OR4N2: variants seen among roughly 807,000 people sequenced by gnomAD.
OR4N2 encodes the protein olfactory receptor 4N2.
For missense variants in OR4N2, 307 were observed against 377.6 expected, an observed-to-expected ratio of 0.81 and a Z score of 1.55; for synonymous variants, 141 against 140.4, an observed-to-expected ratio of 1.00 and a Z score of -0.03.
chr14:19,820,284 T>C (rs1879532131), intron 1 of OR4N2, among the ~76,000 whole-genome samples: 1 of 152,272 alleles, frequency 6.6e-6, no homozygotes. Context: ...CTCTATCTCC[T>C]TCAGTTCTGC....
intron 1 of OR4N2, among the ~76,000 whole-genome samples, chr14:19,825,712 C>G (rs560224083): frequency 6.6e-6 from 1 of 152,226 alleles, no homozygotes; most frequent in Non-Finnish European, 1.5e-5. Context: ...ACCACCACCA[C>G]GTCCAGCTAA....
chr14:19,807,340 A>G (rs1879189922), intron 1 of OR4N2, among the ~76,000 whole-genome samples: 1 of 152,052 alleles, frequency 6.6e-6, no homozygotes, highest in African/African-American at 2.4e-5. Context: ...ATTGCTAGCT[A>G]GATTAACATA....
chr14:19,812,437 C>T (rs1433302448), intron 1 of OR4N2, among the ~76,000 whole-genome samples: 1 of 150,956 alleles, frequency 6.6e-6, no homozygotes. Context: ...TCACGCCATT[C>T]TCCTGCCTCA....
At chr14:19,822,032 A>C (rs546275384) in intron 1 of OR4N2, 6 of 152,282 alleles carry the variant, frequency 3.9e-5, no homozygotes, top group Non-Finnish European at 8.8e-5. Flanking sequence ...AGAAAGGGAC[A>C]ATAGAAAAAA....
intron 1 of OR4N2, among the ~76,000 whole-genome samples, chr14:19,817,086 G>A (rs1484787617): frequency 1.3e-5 from 2 of 152,132 alleles, no homozygotes; most frequent in African/African-American, 2.4e-5. Context: ...TGCTGGATTC[G>A]GTTTGCCAGT....
intron 1 of OR4N2, among the ~76,000 whole-genome samples, chr14:19,806,472 C>T (rs1879168164): frequency 6.6e-6 from 1 of 152,046 alleles, no homozygotes; most frequent in African/African-American, 2.4e-5. Context: ...TTACCAAGGA[C>T]AAAGAAAGGC....
intron 1 of OR4N2, among the ~76,000 whole-genome samples, chr14:19,826,468 A>G (rs1276377811): frequency 1.3e-5 from 2 of 152,268 alleles, no homozygotes; most frequent in Non-Finnish European, 1.5e-5. Context: ...CAAAAAATAA[A>G]ACTCACTCTA....
chr14:19,829,488 A>G lies in OR4N2; in HGVS notation c.*1116A>G, dbSNP rs1164871082. ...TAGGCTGGACGTCCAGAGATGCCTT[A>G]CAGACTAACACAGGTGACCAATGTT... On this transcript the variant is annotated 3_prime_UTR_variant, in exon 2 of 2. Coordinates refer to ENST00000557677, the MANE Select transcript of OR4N2 (RefSeq NM_001004723.3). 6.6e-6 allele frequency: 1 copy of G among 152,292 alleles called. No individual in the cohort carries two copies. Among genetic ancestry groups the G allele is most frequent in the Non-Finnish European group, 1.5e-5 (1 of 68,056 alleles). 9.4% of individuals were successfully genotyped at this position (152,292 alleles called of 1,614,324 possible).
At chr14:19,814,227 A>T (rs1428178874) in intron 1 of OR4N2, among the ~76,000 whole-genome samples, 2 of 152,222 alleles carry the variant, frequency 1.3e-5, no homozygotes, top group African/African-American at 4.8e-5. Context: ...TTTAATGGAA[A>T]AATGTTTTTC....
In OR4N2 at chr14:19,812,329, C is replaced by CTTTT. The variant is rs3078143; in HGVS notation, c.-10+8497_-10+8500dup. The stretch of plus-strand genomic sequence containing the variant: ...TTTTTTTTTTCTTTTCTTTTCTTTT[C>CTTTT]TTTTTTTTTTTTTTTGAGACAGAGT... On this transcript the variant is annotated intron_variant, in intron 1 of 1. Coordinates refer to ENST00000557677, the MANE Select transcript of OR4N2 (RefSeq NM_001004723.3). Among the ~76,000 whole-genome samples the CTTTT allele has an allele frequency of 2.4e-4, 28 of 117,410 alleles. 1 individual carries two copies. The highest frequency in any genetic ancestry group is 6.5e-4 in the African/African-American group (20 of 30,562). 77.0% of individuals were successfully genotyped at this position (117,410 alleles called of 152,430 possible).
At chr14:19,811,164 A>G (rs146161489) in intron 1 of OR4N2, among the ~76,000 whole-genome samples, 174 of 152,364 alleles carry the variant, frequency 1.1e-3, no homozygotes, top group African/African-American at 4.1e-3. Context: ...CCTGATACCA[A>G]AATCTGACAC....
At position 19,808,263 on chromosome 14, in the gene OR4N2, A is replaced by C. The variant is rs530948389; in HGVS notation, c.-10+4419A>C. 3.9e-5 allele frequency among the ~76,000 whole-genome samples: 6 copies of C among 152,310 alleles called. No homozygotes were observed. The South Asian group carries it at 1.2e-3, about 32-fold the overall frequency. On this transcript the variant is annotated intron_variant, in intron 1 of 1. Transcript: ENST00000557677. ...ATTATGCAAAAGAAAGAAATAAAAG[A>C]CATCCAAATAGAAAAATAAGAAGTC... is the stretch of plus-strand genomic sequence containing the variant.
intron 1 of OR4N2, among the ~76,000 whole-genome samples, chr14:19,814,371 T>C (rs949968918): frequency 6.6e-6 from 1 of 152,234 alleles, no homozygotes; most frequent in Non-Finnish European, 1.5e-5. Flanking sequence ...AACTATTTTC[T>C]CTAAGAATAA....
chr14:19,810,209 C>T (rs1188407559), intron 1 of OR4N2, among the ~76,000 whole-genome samples: 3 of 152,212 alleles, frequency 2.0e-5, no homozygotes, highest in African/African-American at 7.2e-5. Flanking sequence ...TTTTCAAAGA[C>T]CTACATGCAG....
At chr14:19,814,726 G>T (rs1237999667) in intron 1 of OR4N2, among the ~76,000 whole-genome samples, 6 of 152,192 alleles carry the variant, frequency 3.9e-5, no homozygotes, top group African/African-American at 1.4e-4. Flanking sequence ...GAATATGCAG[G>T]TTTGTTACAT....
At chr14:19,826,828 G>A (rs1053912241) in intron 1 of OR4N2, among the ~76,000 whole-genome samples, 2 of 152,248 alleles carry the variant, frequency 1.3e-5, no homozygotes, top group African/African-American at 4.8e-5. Context: ...CAAAAGTGGA[G>A]CTATAGCTTG....
At chr14:19,821,032 G>A (rs1162600169) in intron 1 of OR4N2, among the ~76,000 whole-genome samples, 1 of 152,242 alleles carries the variant, frequency 6.6e-6, no homozygotes. Flanking sequence ...GCCTAGTTTT[G>A]TGCTTGAAAC....
rs546512953 is a variant in OR4N2 at position 19,819,413 on chromosome 14, G to A, written c.-9-8027G>A. Among the ~76,000 whole-genome samples the A allele has an allele frequency of 3.2e-4, 49 of 152,172 alleles. 4 individuals are homozygous for A. The highest frequency in any genetic ancestry group is 1.4e-3 in the Admixed American group (22 of 15,274). On this transcript the variant is annotated intron_variant, in intron 1 of 1. Coordinates refer to ENST00000557677, the MANE Select transcript of OR4N2 (RefSeq NM_001004723.3). The stretch of plus-strand genomic sequence containing the variant: ...TCAATCTTTTTTCTCCAATCTTGTC[G>A]TCACGCTTTATTTCATTAAGTTGAT...
intron 1 of OR4N2, among the ~76,000 whole-genome samples, chr14:19,805,545 C>CA (rs1255722106): frequency 6.6e-6 from 1 of 152,072 alleles, no homozygotes; most frequent in African/African-American, 2.4e-5. Flanking sequence ...AAAAATAAAG[C>CA]AAAAACAATT....
Sources: allele counts gnomAD v4.1 joint callset (sites outside exome capture counted in the v4.1 genomes callset), GRCh38; gene constraint gnomAD v4.1.1; transcripts MANE v1.5; gene names NCBI Gene and HGNC (gene_info 2026-07-23, HGNC 2026-07-21).